Variants in AGBL1 observed in about 807,000 individuals in gnomAD.
The protein encoded by AGBL1 is AGBL carboxypeptidase 1, also known as cytosolic carboxypeptidase 4.
Under a neutral mutation model 118.9 loss-of-function variants are expected in AGBL1, and 130 were observed. That is an observed-to-expected ratio of 1.09 (90% CI 0.95 to 1.26). The LOEUF is 1.26. AGBL1 is among the 50% of genes most tolerant of loss of function. The pLI is 0.00. For missense variants in AGBL1, 1,584 were observed against 1,298.1 expected (o/e 1.22, Z -3.38); for synonymous variants, 555 against 478.9 (o/e 1.16, Z -2.08).
chr15:86,144,289 C>T (rs572888130), intron 3 of AGBL1, among the ~76,000 whole-genome samples: 1 of 152,286 alleles, frequency 6.6e-6, no homozygotes, highest in South Asian at 2.1e-4. Flanking sequence ...GACAGAAATA[C>T]CATTCGATCC....
chr15:86,985,358 A>G (rs912912587), intron 23 of AGBL1, among the ~76,000 whole-genome samples: 3 of 152,214 alleles, frequency 2.0e-5, no homozygotes, highest in Non-Finnish European at 4.4e-5. Context: ...CCTACCAGCA[A>G]TGTATGAGAA....
intron 22 of AGBL1, among the ~76,000 whole-genome samples, chr15:86,819,360 T>C (rs957156108): frequency 2.0e-5 from 3 of 152,104 alleles, no homozygotes; most frequent in Non-Finnish European, 4.4e-5. Flanking sequence ...ACTTCTCACA[T>C]GCTTTGCATA....
chr15:86,218,733 C>T (rs1377528130), intron 5 of AGBL1, among the ~76,000 whole-genome samples: 1 of 152,220 alleles, frequency 6.6e-6, no homozygotes, highest in African/African-American at 2.4e-5. Flanking sequence ...CAGGTAGCCT[C>T]TAGAAATGCA....
chr15:86,289,717 T>C (rs559028636), intron 16 of AGBL1, among the ~76,000 whole-genome samples: 5 of 152,168 alleles, frequency 3.3e-5, no homozygotes, highest in Non-Finnish European at 7.3e-5. Context: ...TCCCATCTCC[T>C]CCTTTGGCTC....
At chr15:86,122,585 G>A (rs895673816) in intron 1 of AGBL1, among the ~76,000 whole-genome samples, 8 of 152,048 alleles carry the variant, frequency 5.3e-5, no homozygotes, top group African/African-American at 1.9e-4. Flanking sequence ...AAGGACCTCT[G>A]AAGATCCATA....
chr15:86,953,400 A>ATT (rs61019726), intron 23 of AGBL1, among the ~76,000 whole-genome samples: 139 of 134,118 alleles, frequency 1.0e-3, no homozygotes, highest in East Asian at 0.01. Flanking sequence ...CTGTATTTGG[A>ATT]TTTTTTTTTT....
At chr15:86,792,539 A>G (rs1335765546) in intron 22 of AGBL1, among the ~76,000 whole-genome samples, 1 of 152,166 alleles carries the variant, frequency 6.6e-6, no homozygotes, top group Non-Finnish European at 1.5e-5. Flanking sequence ...TCATATTATG[A>G]AGAAATTTGT....
At chr15:86,709,060 ATTCAC>A (rs1434075125) in intron 22 of AGBL1, among the ~76,000 whole-genome samples, 3 of 152,136 alleles carry the variant, frequency 2.0e-5, no homozygotes, top group Non-Finnish European at 4.4e-5. Context: ...CCAAATTCCA[ATTCAC>A]TTCACTACGT....
At chr15:86,837,152 C>A (rs2079180796) in intron 22 of AGBL1, among the ~76,000 whole-genome samples, 1 of 151,432 alleles carries the variant, frequency 6.6e-6, no homozygotes, top group South Asian at 2.1e-4. Flanking sequence ...TATACAACTT[C>A]AGGATCCCTG....
At chr15:86,360,204 T>G (rs1006699754) in intron 17 of AGBL1, among the ~76,000 whole-genome samples, 1 of 151,992 alleles carries the variant, frequency 6.6e-6, no homozygotes, top group Non-Finnish European at 1.5e-5. Flanking sequence ...TGTGTTGAAG[T>G]AAGCCCCTTG....
intron 18 of AGBL1, among the ~76,000 whole-genome samples, chr15:86,494,515 G>A (rs1249929240): frequency 2.6e-5 from 4 of 152,056 alleles, no homozygotes; most frequent in African/African-American, 7.2e-5. Flanking sequence ...TGCTTAGAGT[G>A]TTGATGTCTC....
At chr15:87,022,398 G>T (rs534763901) in intron 24 of AGBL1, among the ~76,000 whole-genome samples, 2 of 151,896 alleles carry the variant, frequency 1.3e-5, no homozygotes, top group African/African-American at 2.4e-5. Flanking sequence ...CCAATCCAAC[G>T]AAGACAAAGA....
chr15:86,477,045 C>T (rs1397503320), intron 18 of AGBL1, among the ~76,000 whole-genome samples: 1 of 152,122 alleles, frequency 6.6e-6, no homozygotes, highest in Non-Finnish European at 1.5e-5. Context: ...AGAACAAACA[C>T]ACAACATACC....
At chr15:86,396,612 C>T (rs2081368611) in intron 17 of AGBL1, among the ~76,000 whole-genome samples, 1 of 152,114 alleles carries the variant, frequency 6.6e-6, no homozygotes, top group Non-Finnish European at 1.5e-5. Context: ...CTGTTACTTG[C>T]CTTCTATTTC....
At chr15:86,844,133 G>C (rs1390069625) in intron 22 of AGBL1, among the ~76,000 whole-genome samples, 1 of 152,122 alleles carries the variant, frequency 6.6e-6, no homozygotes, top group Non-Finnish European at 1.5e-5. Context: ...CCATGCACCA[G>C]TTTATACAAA....
intron 18 of AGBL1, among the ~76,000 whole-genome samples, chr15:86,413,549 T>C (rs1441092146): frequency 1.3e-5 from 2 of 152,158 alleles, no homozygotes; most frequent in Non-Finnish European, 2.9e-5. Context: ...TTTTTAATCT[T>C]TTTAATAGTA....
chr15:86,625,379 G>GTTT lies in AGBL1; in HGVS notation c.2995-48891_2995-48889dup, dbSNP rs1199638580. Among the ~76,000 whole-genome samples the GTTT allele has an allele frequency of 1.2e-4, 7 of 59,468 alleles. 1 individual carries two copies. Among genetic ancestry groups the GTTT allele is most frequent in the African/African-American group, 3.6e-4 (4 of 11,152 alleles). 39.0% of individuals were successfully genotyped at this position (59,468 alleles called of 152,430 possible). On this transcript the variant is annotated intron_variant, in intron 21 of 22. Coordinates refer to ENST00000614907, the MANE Select transcript of AGBL1 (RefSeq NM_001386094.1). ...AAGAAATTAGCGTTTTTTTTTTTTT[G>GTTT]TTTTTGTTTTTTTTTTTTTTTACAA...
At chr15:86,996,991 T>G (rs2081386200) in intron 24 of AGBL1, among the ~76,000 whole-genome samples, 1 of 152,098 alleles carries the variant, frequency 6.6e-6, no homozygotes, top group Admixed American at 6.6e-5. Flanking sequence ...TCTAGAATCA[T>G]AACCATCTTT....
At chr15:86,949,232 C>T (rs2080854715) in intron 23 of AGBL1, among the ~76,000 whole-genome samples, 1 of 152,114 alleles carries the variant, frequency 6.6e-6, no homozygotes. Flanking sequence ...GCAGCAGACC[C>T]ATGTTCCTAT....
Sources: gnomAD v4.1 joint callset for allele counts (sites outside exome capture counted in the v4.1 genomes callset) on GRCh38, gnomAD v4.1.1 for gene constraint, MANE v1.5 for transcripts, NCBI Gene and HGNC (gene_info 2026-07-23, HGNC 2026-07-21) for gene names.